MARCHF3: variants seen among roughly 807,000 people sequenced by gnomAD.
MARCHF3 encodes the protein E3 ubiquitin-protein ligase MARCHF3.
MARCHF3 carries 13 observed loss-of-function variants against 24.2 expected under a neutral mutation model. That is an observed-to-expected ratio of 0.54 (90% CI 0.35 to 0.85). The LOEUF is 0.85. Ranked by LOEUF, MARCHF3 falls within the 40% of genes least tolerant of loss-of-function variation. The pLI, the probability that MARCHF3 is intolerant of heterozygous loss-of-function variation, is 0.01. For synonymous variants in MARCHF3, 144 were observed against 137.3 expected (o/e 1.05, Z -0.34); for missense variants, 276 against 325.0 (o/e 0.85, Z 1.16).
At chr5:127,000,913 G>A (rs111358529) in intron 1 of MARCHF3, among the ~76,000 whole-genome samples, 7,845 of 151,978 alleles carry the variant, frequency 0.052, 378 homozygotes, top group South Asian at 0.14. Context: ...TGATCCATCC[G>A]CCTCGGCCTC....
chr5:126,912,283 G>T (rs1442671523), intron 3 of MARCHF3, among the ~76,000 whole-genome samples: 1 of 152,208 alleles, frequency 6.6e-6, no homozygotes, highest in Non-Finnish European at 1.5e-5. Context: ...GACTGAGAGG[G>T]TTTATTGACA....
chr5:126,967,734 CT>C (rs996560624), intron 1 of MARCHF3, among the ~76,000 whole-genome samples: 2 of 152,050 alleles, frequency 1.3e-5, no homozygotes, highest in Non-Finnish European at 2.9e-5. Flanking sequence ...GCCCCCTCCT[CT>C]TTTTTTGCAC....
chr5:126,946,587 C>T (rs1044139678), intron 1 of MARCHF3, among the ~76,000 whole-genome samples: 4 of 152,140 alleles, frequency 2.6e-5, no homozygotes, highest in South Asian at 2.1e-4. Context: ...GGTCCTACCC[C>T]ACCAGGAACT....
At chr5:126,941,307 CTT>C (rs1281840757) in intron 1 of MARCHF3, among the ~76,000 whole-genome samples, 1 of 152,160 alleles carries the variant, frequency 6.6e-6, no homozygotes, top group Non-Finnish European at 1.5e-5. Context: ...CTCTTAAACA[CTT>C]TTGTGCTGAG....
At chr5:126,884,093 T>C (rs1336552885) in intron 3 of MARCHF3, among the ~76,000 whole-genome samples, 2 of 152,208 alleles carry the variant, frequency 1.3e-5, no homozygotes, top group Admixed American at 1.3e-4. Context: ...CAACACATTC[T>C]ACACTAAATT....
intron 1 of MARCHF3, among the ~76,000 whole-genome samples, chr5:126,933,473 C>A (rs1428790001): frequency 6.8e-6 from 1 of 146,296 alleles, no homozygotes; most frequent in Non-Finnish European, 1.5e-5. Context: ...GAGACAGAGT[C>A]TCGCTGTGTC....
At chr5:126,981,094 T>C (rs532714198) in intron 1 of MARCHF3, among the ~76,000 whole-genome samples, 1 of 152,354 alleles carries the variant, frequency 6.6e-6, no homozygotes, top group South Asian at 2.1e-4. Flanking sequence ...TGCAGCACTC[T>C]GTTGAACTTG....
intron 3 of MARCHF3, among the ~76,000 whole-genome samples, chr5:126,887,904 A>C (rs912166589): frequency 6.6e-6 from 1 of 152,102 alleles, no homozygotes. Flanking sequence ...TTATTCCTTC[A>C]TAGCTTTTGC....
chr5:127,003,273 A>G (rs914487731), intron 1 of MARCHF3, among the ~76,000 whole-genome samples: 2 of 150,960 alleles, frequency 1.3e-5, no homozygotes, highest in Non-Finnish European at 3.0e-5. Context: ...AGGTCAGGAG[A>G]TCAAGACCAC....
At chr5:126,932,357 GT>G (rs1241571811) in intron 1 of MARCHF3, among the ~76,000 whole-genome samples, 9 of 152,222 alleles carry the variant, frequency 5.9e-5, no homozygotes, top group Non-Finnish European at 1.2e-4. Context: ...CTTCCTCGCA[GT>G]CATTATAAGA....
intron 1 of MARCHF3, among the ~76,000 whole-genome samples, chr5:126,972,777 G>A (rs1751060576): frequency 6.6e-6 from 1 of 152,094 alleles, no homozygotes; most frequent in Non-Finnish European, 1.5e-5. Flanking sequence ...GAAGTCCAAT[G>A]TCTAGACCCT....
chr5:126,935,745 G>T (rs1490979418), intron 1 of MARCHF3, among the ~76,000 whole-genome samples: 7 of 150,968 alleles, frequency 4.6e-5, no homozygotes, highest in Non-Finnish European at 1.0e-4. Flanking sequence ...CAAGTTGGTG[G>T]GATTACAGGC....
intron 3 of MARCHF3, among the ~76,000 whole-genome samples, chr5:126,894,728 C>T (rs528677176): frequency 1.3e-5 from 2 of 152,108 alleles, no homozygotes; most frequent in African/African-American, 4.8e-5. Flanking sequence ...AGATTTTTTC[C>T]TTCATTTCAA....
chr5:126,988,153 G>A (rs1354853408), intron 1 of MARCHF3, among the ~76,000 whole-genome samples: 1 of 151,952 alleles, frequency 6.6e-6, no homozygotes, highest in African/African-American at 2.4e-5. Flanking sequence ...TAAATCCTTT[G>A]AATCCCCTTA....
chr5:126,971,587 C>T (rs916196035), intron 1 of MARCHF3, among the ~76,000 whole-genome samples: 25 of 152,184 alleles, frequency 1.6e-4, no homozygotes, highest in African/African-American at 6.0e-4. Flanking sequence ...TCCCAGAGAT[C>T]ACCCATGGGA....
chr5:126,960,934 T>G (rs187733466), intron 1 of MARCHF3, among the ~76,000 whole-genome samples: 7 of 152,140 alleles, frequency 4.6e-5, no homozygotes, highest in African/African-American at 1.4e-4. Context: ...ACAATAAATA[T>G]TCTGATTAGA....
chr5:126,987,149 T>C (rs1181307759), intron 1 of MARCHF3, among the ~76,000 whole-genome samples: 1 of 152,226 alleles, frequency 6.6e-6, no homozygotes, highest in Non-Finnish European at 1.5e-5. Flanking sequence ...CTGAGCTTTC[T>C]TGGAGAAGAA....
chr5:126,974,695 TCAC>T (rs1455599947), intron 1 of MARCHF3, among the ~76,000 whole-genome samples: 2 of 152,144 alleles, frequency 1.3e-5, no homozygotes, highest in African/African-American at 4.8e-5. Context: ...AGATTTCAGA[TCAC>T]CACACACAAG....
At chr5:126,958,175 C>A (rs1295213894) in intron 1 of MARCHF3, among the ~76,000 whole-genome samples, 1 of 152,072 alleles carries the variant, frequency 6.6e-6, no homozygotes, top group Non-Finnish European at 1.5e-5. Flanking sequence ...TCATGGCTAT[C>A]TTTCTCCTCC....
Sources: gnomAD v4.1 joint callset for allele counts (sites outside exome capture counted in the v4.1 genomes callset) on GRCh38, gnomAD v4.1.1 for gene constraint, MANE v1.5 for transcripts, NCBI Gene and HGNC (gene_info 2026-07-23, HGNC 2026-07-21) for gene names.